Variants in C4BPB observed in about 807,000 individuals in gnomAD.
The protein encoded by C4BPB is C4b-binding protein beta chain.
C4BPB carries 19 observed loss-of-function variants against 26.6 expected under a neutral mutation model. The ratio of observed to expected loss-of-function variants is 0.71; its 90% CI spans 0.50 to 1.05. The LOEUF (loss-of-function observed/expected upper bound fraction) is 1.05. Ranked by LOEUF, C4BPB falls within the 50% of genes least tolerant of loss-of-function variation. The pLI, the probability that C4BPB is intolerant of heterozygous loss-of-function variation, is 0.00. For synonymous variants in C4BPB, 118 were observed against 103.5 expected, an observed-to-expected ratio of 1.14 and a Z score of -0.85; for missense variants, 282 against 302.9, an observed-to-expected ratio of 0.93 and a Z score of 0.51.
chr1:207,091,814 A>T lies in C4BPB; in HGVS notation c.403A>T (p.Lys135Ter). 1 of 1,612,568 alleles carries T rather than the reference A, an allele frequency of 6.2e-7. No homozygotes were observed. The highest frequency in any genetic ancestry group is 1.1e-5 in the South Asian group (1 of 90,862). Reference sequence around the variant, plus strand: ...CTGGGCACCTCCCTTTCCCATCTGCAAAAGTAGTAAGTACAAGAGAAACCA... The same window carrying T: ...CTGGGCACCTCCCTTTCCCATCTGCTAAAGTAGTAAGTACAAGAGAAACCA... ...HTWAPPFPIC[K>*]SRDCDPPGNP... is the part of the protein sequence containing the mutation. The change falls in exon 4 of 7, where the codon AAA becomes TAA. Residue 135 changes from lysine (K) to a stop codon, truncating the protein, a stop_gained. Coordinates refer to ENST00000367078, the MANE Select transcript of C4BPB (RefSeq NM_001017365.3). LOFTEE classifies it high-confidence loss of function.
rs531786472 is a variant in C4BPB, at chr1:207,093,668, C to T, written c.409+1848C>T. ...AAATTATTAAATCATTAAAAGAAAA[C>T]ATGAGATAATATATTTATTACATTG... is the stretch of plus-strand genomic sequence containing the variant. On this transcript the variant is annotated intron_variant, in intron 4 of 6. Transcript: ENST00000367078. 1.1e-4 allele frequency among the ~76,000 whole-genome samples: 16 copies of T among 151,962 alleles called. No homozygotes were observed. In the South Asian group the frequency reaches 3.1e-3, roughly 30 times the overall value.
chr1:207,092,072 G>A (rs1239077029), intron 4 of C4BPB, among the ~76,000 whole-genome samples: 3 of 152,196 alleles, frequency 2.0e-5, no homozygotes, highest in African/African-American at 7.2e-5. Context: ...CCTACTAGGT[G>A]TAATGTAGGG....
chr1:207,099,926 G>GT lies in C4BPB; in HGVS notation c.757dup (p.Ter253LeufsTer22). 1 of 1,612,466 alleles carries GT rather than the reference G, an allele frequency of 6.2e-7. No homozygotes were observed. The highest frequency in any genetic ancestry group is 8.5e-7 in the Non-Finnish European group (1 of 1,179,294). On this transcript the variant is annotated frameshift_variant, in exon 7 of 7. Coordinates refer to ENST00000367078, the MANE Select transcript of C4BPB (RefSeq NM_001017365.3). LOFTEE classifies it high-confidence loss of function. ...AAGCTGAGTTGAAGGCAAAATTGTT[G>GT]TAACACTACAGCTGAGCAGATGTAA...
At position 207,098,189 on chromosome 1, in the gene C4BPB, T is replaced by C. The variant is rs1436652641; in HGVS notation, c.543T>C (p.Asp181=). Residue 181 remains aspartate (D), a synonymous_variant, in exon 6 of 7, where the codon GAT becomes GAC. Coordinates refer to ENST00000367078, the MANE Select transcript of C4BPB (RefSeq NM_001017365.3). The stretch of plus-strand genomic sequence containing the variant: ...GCGTGCAGGAGCAGCAATGCGTTGA[T>C]GGGGAGTGGAGCAGTGCACTTCCAG... The part of the protein sequence containing the change: ...LVGVQEQQCV[D]GEWSSALPVC... 2 of 1,614,140 alleles carry C rather than the reference T, an allele frequency of 1.2e-6. No individual in the cohort carries two copies. The highest frequency in any genetic ancestry group is 1.7e-5 in the Admixed American group (1 of 60,024).
At chr1:207,094,309 T>TAA (rs535584743) in intron 4 of C4BPB, among the ~76,000 whole-genome samples, 1 of 139,054 alleles carries the variant, frequency 7.2e-6, no homozygotes. Flanking sequence ...GGCCTGTCTC[T>TAA]AAAAAAAAAA....
chr1:207,091,236 A>G (rs1327413057), intron 3 of C4BPB, among the ~76,000 whole-genome samples: 2 of 152,108 alleles, frequency 1.3e-5, no homozygotes, highest in African/African-American at 2.4e-5. Context: ...TTTCCATGCC[A>G]TGGGAAAAAG....
intron 4 of C4BPB, chr1:207,095,440 C>T (rs1300743896): frequency 2.2e-6 from 1 of 455,856 alleles, no homozygotes; most frequent in Non-Finnish European, 4.4e-6. Context: ...AAGCAGTTCT[C>T]ATGCCTCAGC....
At chr1:207,089,686 TATA>T (rs1210515464) in intron 2 of C4BPB, 97 bp downstream of exon 2, 1 of 981,392 alleles carries the variant, frequency 1.0e-6, no homozygotes, top group East Asian at 2.5e-5. Flanking sequence ...AGTTTACATT[TATA>T]ATATCTTTAT....
chr1:207,092,501 T>A (rs1029585762), intron 4 of C4BPB, among the ~76,000 whole-genome samples: 1 of 152,226 alleles, frequency 6.6e-6, no homozygotes, highest in African/African-American at 2.4e-5. Flanking sequence ...AATAACTGCA[T>A]ATGTGTATGT....
rs372642098 is a variant in C4BPB at position 207,098,187 on chromosome 1, G to A, written c.541G>A (p.Asp181Asn). The change falls in exon 6 of 7, where the codon GAT becomes AAT. Residue 181 changes from aspartate (D) to asparagine (N), a missense_variant. Coordinates refer to ENST00000367078, the MANE Select transcript of C4BPB (RefSeq NM_001017365.3). The part of the protein sequence containing the change: ...LVGVQEQQCV[D>N]GEWSSALPVC... ...GGGCGTGCAGGAGCAGCAATGCGTT[G>A]ATGGGGAGTGGAGCAGTGCACTTCC... 1 of 1,614,144 alleles carries A rather than the reference G, an allele frequency of 6.2e-7. No individual in the cohort carries two copies. The highest frequency in any genetic ancestry group is 1.1e-5 in the South Asian group (1 of 91,080).
chr1:207,098,016 A>G, intron 5 of C4BPB, 134 bp from the exon 6 acceptor site: 1 of 694,810 alleles, frequency 1.4e-6, no homozygotes, highest in Non-Finnish European at 2.5e-6. Context: ...TAACTTAAGC[A>G]TGCATTGAGG....
Position 207,090,441 on chromosome 1 carries a change from T to C in C4BPB, c.192T>C (p.Asn64=). The part of the protein sequence containing the change: ...HLVGKKTLFC[N]ASKEWDNTTT... ...TAGGAAAGAAGACCCTTTTTTGCAA[T>C]GCCTCTAAGGAGTGGGATAACACCA... Residue 64 remains asparagine (N), a synonymous_variant, in exon 3 of 7, where the codon AAT becomes AAC. Transcript: ENST00000367078. 6.2e-7 allele frequency: 1 copy of C among 1,614,008 alleles called. No individual in the cohort carries two copies. The highest frequency in any genetic ancestry group is 8.5e-7 in the Non-Finnish European group (1 of 1,179,906).
Position 207,091,744 on chromosome 1 carries a change from C to T in C4BPB, c.333C>T (p.Tyr111=). The T allele has an allele frequency of 1.2e-6, 2 of 1,614,134 alleles. No individual in the cohort carries two copies. The highest frequency in any genetic ancestry group is 1.7e-6 in the Non-Finnish European group (2 of 1,179,974). Residue 111 remains tyrosine (Y), a synonymous_variant, in exon 4 of 7, where the codon TAC becomes TAT. Coordinates refer to ENST00000367078, the MANE Select transcript of C4BPB (RefSeq NM_001017365.3). ...TCACGTTTATGTGCAATGACCACTACATCCTCAAGGGCAGCAATCGGAGCC... is the reference window on the plus strand; with the variant it reads ...TCACGTTTATGTGCAATGACCACTATATCCTCAAGGGCAGCAATCGGAGCC... ...DKITFMCNDH[Y]ILKGSNRSQC...
chr1:207,094,682 C>T (rs1397904794), intron 4 of C4BPB, among the ~76,000 whole-genome samples: 1 of 152,098 alleles, frequency 6.6e-6, no homozygotes, highest in Non-Finnish European at 1.5e-5. Context: ...TCCTTCCGTT[C>T]AAAATTGTAC....
In C4BPB at chr1:207,089,481, G is replaced by C; in HGVS notation, c.-50-1G>C. ...AGAAGATCTATTTTTTTTCAAACCA[G>C]GTGTCTGAGCTGGGTGAATTCCAGC... is the stretch of plus-strand genomic sequence containing the variant. On this transcript the variant is annotated splice_acceptor_variant, in intron 1 of 6. Coordinates refer to ENST00000367078, the MANE Select transcript of C4BPB (RefSeq NM_001017365.3). LOFTEE classifies it low-confidence loss of function (5UTR_SPLICE). The C allele has an allele frequency of 6.5e-7, 1 of 1,544,342 alleles. No homozygotes were observed. The highest frequency in any genetic ancestry group is 9.0e-7 in the Non-Finnish European group (1 of 1,116,984).
chr1:207,098,952 C>T (rs1684362648), intron 6 of C4BPB, among the ~76,000 whole-genome samples: 1 of 152,010 alleles, frequency 6.6e-6, no homozygotes, highest in African/African-American at 2.4e-5. Context: ...GATCATCAGG[C>T]ATTAGAATCT....
At chr1:207,093,952 T>C (rs1430423648) in intron 4 of C4BPB, among the ~76,000 whole-genome samples, 4 of 152,118 alleles carry the variant, frequency 2.6e-5, no homozygotes, top group Admixed American at 1.3e-4. Flanking sequence ...TCCAAAATAA[T>C]GGCCCTAAAC....
rs1452117042 is a variant in C4BPB, at chr1:207,088,961, C to T, written c.-51+15C>T. On this transcript the variant is annotated intron_variant, in intron 1 of 6. Coordinates refer to ENST00000367078, the MANE Select transcript of C4BPB (RefSeq NM_001017365.3). ...GACAGAGACAGGTAAGGTTAGTTTA[C>T]TTCCTTGAGCTTTCGTCTTCAGTGC... The T allele has an allele frequency of 6.5e-6, 1 of 153,256 alleles. No individual in the cohort carries two copies. Among genetic ancestry groups the T allele is most frequent in the Admixed American group, 6.5e-5 (1 of 15,434 alleles). 9.5% of individuals were successfully genotyped at this position (153,256 alleles called of 1,614,324 possible). A position where few individuals can be genotyped will look rare whatever the true frequency, so the allele number is the denominator to read the frequency against.
At chr1:207,098,590 G>A (rs756726992) in intron 6 of C4BPB, among the ~76,000 whole-genome samples, 5 of 152,170 alleles carry the variant, frequency 3.3e-5, no homozygotes, top group Admixed American at 2.0e-4. Flanking sequence ...ACTTTTCCAC[G>A]GATGGGGGTG....
Sources: gnomAD v4.1 joint callset for allele counts (sites outside exome capture counted in the v4.1 genomes callset) on GRCh38, gnomAD v4.1.1 for gene constraint, MANE v1.5 for transcripts, NCBI Gene and HGNC (gene_info 2026-07-23, HGNC 2026-07-21) for gene names.